The following COLGALT2 variants were observed in gnomAD, a reference collection of about 807,000 sequenced individuals.
COLGALT2 encodes the protein procollagen galactosyltransferase 2.
COLGALT2 carries 49 observed loss-of-function variants against 73.4 expected under a neutral mutation model. The ratio of observed to expected loss-of-function variants is 0.67; its 90% CI spans 0.53 to 0.85. COLGALT2 has a LOEUF of 0.85. Ranked by LOEUF, COLGALT2 falls within the 40% of genes least tolerant of loss-of-function variation. The pLI is 0.00. For missense variants in COLGALT2, 722 were observed against 790.2 expected, an observed-to-expected ratio of 0.91 and a Z score of 1.03; for synonymous variants, 295 against 307.6, an observed-to-expected ratio of 0.96 and a Z score of 0.43.
At chr1:183,961,876 T>C (rs1670710991) in intron 6 of COLGALT2, among the ~76,000 whole-genome samples, 1 of 152,102 alleles carries the variant, frequency 6.6e-6, no homozygotes, top group African/African-American at 2.4e-5. Flanking sequence ...ATTAAAGAAA[T>C]TCGCAAAGGA....
intron 10 of COLGALT2, among the ~76,000 whole-genome samples, chr1:183,941,666 G>C (rs1014670952): frequency 5.9e-5 from 9 of 152,290 alleles, no homozygotes; most frequent in Middle Eastern, 3.4e-3. Context: ...CCTTGTGAAA[G>C]CATCCCAGGA....
chr1:183,942,228 G>A (rs967883857), intron 10 of COLGALT2, among the ~76,000 whole-genome samples: 4 of 152,148 alleles, frequency 2.6e-5, no homozygotes, highest in East Asian at 1.9e-4. Flanking sequence ...GATTACAGGC[G>A]TGAGCCACTG....
At chr1:183,950,515 G>T (rs1231850872) in intron 8 of COLGALT2, among the ~76,000 whole-genome samples, 2 of 151,468 alleles carry the variant, frequency 1.3e-5, no homozygotes, top group Non-Finnish European at 2.9e-5. Flanking sequence ...GGTTCCCTGT[G>T]TTACTTTCCT....
chr1:183,938,753 G>A lies in COLGALT2; in HGVS notation c.*8C>T. On this transcript the variant is annotated 3_prime_UTR_variant, in exon 12 of 12. Transcript: ENST00000361927. ...TGAACTGATGTGGGCCACACTCCCAGGGAGCCTTCATAGCTCATCCCTTGA... is the reference window on the plus strand; with the variant it reads ...TGAACTGATGTGGGCCACACTCCCAAGGAGCCTTCATAGCTCATCCCTTGA... 1 of 1,613,818 alleles carries A rather than the reference G, an allele frequency of 6.2e-7. No homozygotes were observed. The highest frequency in any genetic ancestry group is 8.5e-7 in the Non-Finnish European group (1 of 1,179,838).
At position 183,930,136 on chromosome 1, in the gene COLGALT2, G is replaced by A; in HGVS notation, c.*93C>T. On this transcript the variant is annotated 3_prime_UTR_variant, in exon 12 of 12. Coordinates refer to the COLGALT2 transcript ENST00000649786. ...CGGGCCCGATGTGAGTACAGGGGAG[G>A]TGGGAAATGCAGGAGAAACCTGGAG... is the stretch of plus-strand genomic sequence containing the variant. 4 of 452,004 alleles carry A rather than the reference G, an allele frequency of 8.8e-6. No homozygotes were observed. In the Admixed American group the frequency reaches 9.4e-5, roughly 11 times the overall value. The allele number at this position is 452,004 out of a possible 1,614,324, so 28.0% of individuals were successfully genotyped here.
intron 7 of COLGALT2, among the ~76,000 whole-genome samples, chr1:183,953,216 C>T (rs1450940184): frequency 6.6e-6 from 1 of 152,202 alleles, no homozygotes; most frequent in Admixed American, 6.5e-5. Context: ...GCAGCCCAGA[C>T]ACCACCAGTG....
rs1049249780 is a variant in COLGALT2, at chr1:183,936,885, G to A, written c.*1876C>T. 7.3e-6 allele frequency: 9 copies of A among 1,231,654 alleles called. No homozygotes were observed. Among genetic ancestry groups the A allele is most frequent in the African/African-American group, 4.7e-5 (3 of 64,410 alleles). 76.3% of individuals were successfully genotyped at this position (1,231,654 alleles called of 1,614,324 possible). A position where few individuals can be genotyped will look rare whatever the true frequency, so the allele number is the denominator to read the frequency against. On this transcript the variant is annotated 3_prime_UTR_variant, in exon 12 of 12. Transcript: ENST00000361927. Reference sequence around the variant, plus strand: ...CCACAGTGAGTCGGGAAGGAAGGCCGAGGCTGGCGTCTGGTGGAAGGCAAG... The same window carrying A: ...CCACAGTGAGTCGGGAAGGAAGGCCAAGGCTGGCGTCTGGTGGAAGGCAAG...
intron 1 of COLGALT2, among the ~76,000 whole-genome samples, chr1:183,992,774 A>T (rs1289422120): frequency 1.3e-5 from 2 of 152,180 alleles, no homozygotes; most frequent in Non-Finnish European, 2.9e-5. Flanking sequence ...TGGGCTCTAG[A>T]CTTCCAAGGT....
At position 183,973,716 on chromosome 1, in the gene COLGALT2, T is replaced by G. The variant is rs147381934; in HGVS notation, c.527A>C (p.Gln176Pro). ...IDVDNFLTNP[Q>P]TLNLLIAENK... ...TTCTGCAATCAGTAGATTGAGGGTC[T>G]GTGGATTAGTCAGGAAATTGTCAAC... The change falls in exon 4 of 12, where the codon CAG becomes CCG. Residue 176 changes from glutamine to proline, a missense_variant. By Grantham distance (76) the Gln-to-Pro change is moderately conservative. Transcript: ENST00000361927. The G allele has an allele frequency of 8.1e-5, 131 of 1,613,878 alleles. No individual in the cohort carries two copies. The highest frequency in any genetic ancestry group is 1.1e-4 in the Non-Finnish European group (124 of 1,179,838).
intron 1 of COLGALT2, among the ~76,000 whole-genome samples, chr1:183,993,643 C>G (rs1671691330): frequency 2.6e-5 from 4 of 152,184 alleles, no homozygotes; most frequent in Admixed American, 1.3e-4. Context: ...CAGGCCATGT[C>G]TAAGGCATAC....
intron 1 of COLGALT2, among the ~76,000 whole-genome samples, chr1:184,017,770 T>C (rs977636073): frequency 1.1e-4 from 17 of 152,308 alleles, no homozygotes; most frequent in African/African-American, 4.1e-4. Context: ...AGCATCACAG[T>C]TAACCACTTC....
intron 8 of COLGALT2, among the ~76,000 whole-genome samples, chr1:183,949,074 A>G (rs114545634): frequency 0.013 from 1,945 of 152,322 alleles, 17 homozygotes; most frequent in Middle Eastern, 0.017. Context: ...TCATTCAAAG[A>G]ACTAAAGAAG....
intron 7 of COLGALT2, among the ~76,000 whole-genome samples, chr1:183,952,275 T>C (rs1572634268): frequency 6.6e-6 from 1 of 152,318 alleles, no homozygotes; most frequent in East Asian, 1.9e-4. Context: ...ACACATAGCA[T>C]GGTAAAGCAG....
downstream of COLGALT2, among the ~76,000 whole-genome samples, chr1:183,931,859 A>AT (rs1228653731): frequency 5.5e-5 from 7 of 126,350 alleles, no homozygotes; most frequent in African/African-American, 2.1e-4. Flanking sequence ...TGTTCCTGCC[A>AT]TAAAAAAAAA....
intron 1 of COLGALT2, among the ~76,000 whole-genome samples, chr1:184,022,472 C>T (rs1451840095): frequency 1.3e-5 from 2 of 152,070 alleles, no homozygotes; most frequent in Non-Finnish European, 2.9e-5. Context: ...GATGTTAGTA[C>T]AAGTAGGAGT....
intron 10 of COLGALT2, among the ~76,000 whole-genome samples, chr1:183,942,659 ATT>A (rs1212996755): frequency 2.0e-5 from 3 of 152,128 alleles, no homozygotes; most frequent in African/African-American, 7.2e-5. Context: ...TTTAAGTAAC[ATT>A]TGTTTCTTTT....
At chr1:183,977,836 A>AGAGAGAGAAAGAAG (rs1263866415) in intron 2 of COLGALT2, among the ~76,000 whole-genome samples, 2 of 132,360 alleles carry the variant, frequency 1.5e-5, no homozygotes, top group African/African-American at 5.9e-5. Flanking sequence ...GAGAGAGAGA[A>AGAGAGAGAAAGAAG]AGAAGAGAAG....
At chr1:183,931,148 T>C (rs1669836868), downstream of COLGALT2, among the ~76,000 whole-genome samples, 1 of 152,122 alleles carries the variant, frequency 6.6e-6, no homozygotes, top group African/African-American at 2.4e-5. Context: ...GGGACAGAGC[T>C]CTGGATCATC....
At chr1:184,035,090 G>A (rs1257583088) in intron 1 of COLGALT2, among the ~76,000 whole-genome samples, 1 of 152,156 alleles carries the variant, frequency 6.6e-6, no homozygotes, top group African/African-American at 2.4e-5. Context: ...GGACATAAAA[G>A]ACAACAGATT....
Sources: allele counts gnomAD v4.1 joint callset (sites outside exome capture counted in the v4.1 genomes callset), GRCh38; gene constraint gnomAD v4.1.1; transcripts MANE v1.5; gene names NCBI Gene and HGNC (gene_info 2026-07-23, HGNC 2026-07-21).